Variants in SCGN observed in about 807,000 individuals in gnomAD.
SCGN encodes the protein secretagogin.
SCGN carries 30 observed loss-of-function variants against 39.7 expected under a neutral mutation model. The observed-to-expected ratio is 0.76, with a 90% CI of 0.57 to 1.03. The LOEUF (loss-of-function observed/expected upper bound fraction) is 1.03, where lower values mean the gene tolerates loss of function less well. Ranked by LOEUF, SCGN falls within the 50% of genes least tolerant of loss-of-function variation. SCGN has a pLI of 0.00. For missense variants in SCGN, 353 were observed against 349.4 expected (o/e 1.01, Z -0.08); for synonymous variants, 106 against 114.1 (o/e 0.93, Z 0.45).
At chr6:25,669,364 C>T (rs1759459467) in intron 4 of SCGN, 147 bp from the exon 5 acceptor site, 4 of 646,918 alleles carry the variant, frequency 6.2e-6, no homozygotes, top group East Asian at 5.6e-5. Flanking sequence ...CAAAATTGCT[C>T]TCACCAAAGA....
chr6:25,690,732 G>C (rs1157542655), intron 9 of SCGN, among the ~76,000 whole-genome samples: 2 of 152,076 alleles, frequency 1.3e-5, no homozygotes, highest in Middle Eastern at 3.2e-3. Context: ...ATTAATATTA[G>C]GTACAATTAA....
At chr6:25,694,867 T>C (rs1362144166) in intron 10 of SCGN, among the ~76,000 whole-genome samples, 2 of 152,218 alleles carry the variant, frequency 1.3e-5, no homozygotes, top group Non-Finnish European at 2.9e-5. Context: ...GTGACTTTTC[T>C]CTTTATTTTC....
chr6:25,652,337 TGAA>T lies in SCGN; in HGVS notation c.-65_-63del. The T allele has an allele frequency of 8.3e-7, 1 of 1,199,960 alleles. No individual in the cohort carries two copies. The highest frequency in any genetic ancestry group is 1.7e-5 in the Admixed American group (1 of 57,454). The allele number at this position is 1,199,960 out of a possible 1,614,324, so 74.3% of individuals were successfully genotyped here. ...CAGGAGAGCAAGTCAAGAAATACGG[TGAA>T]GGAGTCCTTCCCAAAGTTGTCTAGG... On this transcript the variant is annotated 5_prime_UTR_variant, in exon 1 of 11. Coordinates refer to ENST00000377961, the MANE Select transcript of SCGN (RefSeq NM_006998.4).
intron 2 of SCGN, among the ~76,000 whole-genome samples, chr6:25,657,315 G>A (rs1402593682): frequency 6.6e-6 from 1 of 152,120 alleles, no homozygotes; most frequent in Non-Finnish European, 1.5e-5. Context: ...GAAATCCAAT[G>A]CTCATTCCCT....
chr6:25,665,047 G>T lies in SCGN; in HGVS notation c.336+15G>T, dbSNP rs1253446157. 1 of 1,599,440 alleles carries T rather than the reference G, an allele frequency of 6.3e-7. No individual in the cohort carries two copies. The highest frequency in any genetic ancestry group is 1.7e-5 in the Admixed American group (1 of 59,932). ...AGTTTATGCAGGTGAGTGCTTGGTT[G>T]TGTCTCTGTGAAGAAAGAGGACTGA... On this transcript the variant is annotated intron_variant, in intron 4 of 10. Transcript: ENST00000377961.
Position 25,689,542 on chromosome 6 carries a change from C to T in SCGN, c.633+10C>T, listed in dbSNP as rs535152605. 24 of 1,610,574 alleles carry T rather than the reference C, an allele frequency of 1.5e-5. No homozygotes were observed. Among genetic ancestry groups the T allele is most frequent in the South Asian group, 4.4e-5 (4 of 90,934 alleles). On this transcript the variant is annotated intron_variant, in intron 9 of 10. Coordinates refer to ENST00000377961, the MANE Select transcript of SCGN (RefSeq NM_006998.4). ...TGCCTACTATGATGTTGTAAGTGTG[C>T]GTCTTTATACTGTGCTGGCCATCTC...
chr6:25,672,086 C>T (rs62393716), intron 6 of SCGN, among the ~76,000 whole-genome samples: 3,804 of 152,206 alleles, frequency 0.025, 75 homozygotes, highest in South Asian at 0.099. Context: ...GCTCATCCTT[C>T]GATATTCAGT....
intron 3 of SCGN, among the ~76,000 whole-genome samples, chr6:25,662,719 T>C (rs943013706): frequency 6.6e-6 from 1 of 152,264 alleles, no homozygotes; most frequent in Non-Finnish European, 1.5e-5. Context: ...TTTATGAGTG[T>C]AGCTGTTTCC....
intron 2 of SCGN, among the ~76,000 whole-genome samples, chr6:25,659,209 T>C (rs1008074054): frequency 2.0e-5 from 3 of 152,186 alleles, no homozygotes; most frequent in Admixed American, 2.0e-4. Flanking sequence ...CAGGGTCTTA[T>C]AATATCTAAA....
chr6:25,689,137 GA>G, intron 7 of SCGN, 34 bp from the exon 8 acceptor site: 1 of 1,461,924 alleles, frequency 6.8e-7, no homozygotes, highest in East Asian at 2.3e-5. Flanking sequence ...AGAGCTGAAC[GA>G]TCCTTACGTG....
chr6:25,683,919 C>T (rs1759669172), intron 7 of SCGN, among the ~76,000 whole-genome samples: 1 of 152,114 alleles, frequency 6.6e-6, no homozygotes, highest in African/African-American at 2.4e-5. Flanking sequence ...AATTCAGTTC[C>T]AAGCACAAAT....
chr6:25,700,178 G>C (rs1759891798), intron 10 of SCGN, among the ~76,000 whole-genome samples: 1 of 147,996 alleles, frequency 6.8e-6, no homozygotes, highest in Non-Finnish European at 1.5e-5. Context: ...CCGGGAGACG[G>C]TAGTTGCAGT....
rs199520012 is a variant in SCGN, at chr6:25,691,043, T to C, written c.634-13T>C. 7.4e-4 allele frequency: 1,188 copies of C among 1,610,266 alleles called. 18 individuals carry two copies. In the South Asian group the frequency reaches 0.012, roughly 17 times the overall value. On this transcript the variant is annotated splice_polypyrimidine_tract_variant and intron_variant, in intron 9 of 10. Coordinates refer to ENST00000377961, the MANE Select transcript of SCGN (RefSeq NM_006998.4). The stretch of plus-strand genomic sequence containing the variant: ...AAACTGATATTTGGGCAATTGGATC[T>C]TTTCTTTTTCAGAGTAAAACAGGAG...
chr6:25,675,387 C>G (rs1207377276), intron 6 of SCGN, among the ~76,000 whole-genome samples: 4 of 152,220 alleles, frequency 2.6e-5, no homozygotes, highest in African/African-American at 7.2e-5. Flanking sequence ...TAATGGACAC[C>G]TGGGTTGCTT....
intron 6 of SCGN, among the ~76,000 whole-genome samples, chr6:25,675,332 C>T (rs1326650388): frequency 2.0e-5 from 3 of 152,190 alleles, no homozygotes; most frequent in Non-Finnish European, 4.4e-5. Context: ...GCCTGGGCAC[C>T]ATAGTGAAGG....
chr6:25,700,240 T>TTA (rs1561772106), intron 10 of SCGN, among the ~76,000 whole-genome samples: 19 of 6,478 alleles, frequency 2.9e-3, no homozygotes, highest in African/African-American at 6.1e-3. Context: ...CGACTTCGTC[T>TTA]CAAAAAAAAA....
chr6:25,671,787 T>G (rs1759501084), intron 6 of SCGN, among the ~76,000 whole-genome samples: 1 of 152,180 alleles, frequency 6.6e-6, no homozygotes, highest in Admixed American at 6.5e-5. Flanking sequence ...CTGCCTGGGG[T>G]ACAGAACAAT....
In SCGN at chr6:25,664,859, G is replaced by A. The variant is rs918179006; in HGVS notation, c.247-84G>A. 4.1e-6 allele frequency: 4 copies of A among 972,158 alleles called. No individual in the cohort carries two copies. The African/African-American group carries it at 6.4e-5, about 16-fold the overall frequency. 60.2% of individuals were successfully genotyped at this position (972,158 alleles called of 1,614,324 possible). On this transcript the variant is annotated intron_variant, in intron 3 of 10. Transcript: ENST00000377961. The stretch of plus-strand genomic sequence containing the variant: ...TCTGAGCCCTTCTGCCCTGGAATAT[G>A]CACCACCATGCCTTTTACCAGGGAG...
chr6:25,665,669 A>G (rs1458889261), intron 4 of SCGN, among the ~76,000 whole-genome samples: 1 of 152,236 alleles, frequency 6.6e-6, no homozygotes, highest in East Asian at 1.9e-4. Flanking sequence ...CCCCAAGGCC[A>G]GAGCAGCAGA....
Sources: allele counts gnomAD v4.1 joint callset (sites outside exome capture counted in the v4.1 genomes callset), GRCh38; gene constraint gnomAD v4.1.1; transcripts MANE v1.5; gene names NCBI Gene and HGNC (gene_info 2026-07-23, HGNC 2026-07-21).